Variants in RAB19 observed in about 807,000 individuals in gnomAD.
RAB19 encodes ras-related protein Rab-19.
In RAB19, 21 loss-of-function variants were observed where a neutral mutation model predicts 17.3. The observed-to-expected ratio is 1.21, with a 90% CI of 0.86 to 1.74. RAB19 has a LOEUF of 1.74. Ranked by LOEUF, RAB19 falls within the 40% of genes most tolerant of loss-of-function variation. RAB19 has a pLI of 0.00. For missense variants in RAB19, 277 were observed against 286.8 expected, an observed-to-expected ratio of 0.97 and a Z score of 0.25; for synonymous variants, 126 against 110.4, an observed-to-expected ratio of 1.14 and a Z score of -0.88.
In RAB19 at chr7:140,411,966, C is replaced by G; in HGVS notation, c.294C>G (p.Asp98Glu). Residue 98 changes from aspartate to glutamate, a missense_variant, in exon 3 of 4, where the codon GAC becomes GAG. Asp to Glu is a conservative substitution (Grantham distance 45, BLOSUM62 2). Coordinates refer to ENST00000537763, the MANE Select transcript of RAB19 (RefSeq NM_001008749.3). ...RSAHAAIIAYDLTRRSTFESI... is the reference protein window; with the variant it reads ...RSAHAAIIAYELTRRSTFESI... ...CCCACGCAGCCATCATCGCCTATGA[C>G]CTCACCCGGCGGTCCACGTTCGAGT... 6.2e-7 allele frequency: 1 copy of G among 1,614,190 alleles called. No individual in the cohort carries two copies.
At chr7:140,410,950 C>T in intron 2 of RAB19, 1 of 1,367,796 alleles carries the variant, frequency 7.3e-7, no homozygotes, top group Non-Finnish European at 9.8e-7. Flanking sequence ...ACATGAACAG[C>T]TTGAGTGTTC....
At chr7:140,418,858 C>CA (rs10649285) in intron 3 of RAB19, among the ~76,000 whole-genome samples, 59,582 of 135,242 alleles carry the variant, frequency 0.44, 12,966 homozygotes, top group Admixed American at 0.56. Context: ...AACCCTGTCT[C>CA]AAAAAAAAAA....
chr7:140,415,451 C>G (rs1345040119), intron 3 of RAB19, among the ~76,000 whole-genome samples: 1 of 152,224 alleles, frequency 6.6e-6, no homozygotes, highest in Non-Finnish European at 1.5e-5. Context: ...AAACTTTCCA[C>G]TTAAAGTCCT....
chr7:140,416,036 C>A (rs965791068), intron 3 of RAB19, among the ~76,000 whole-genome samples: 1 of 151,122 alleles, frequency 6.6e-6, no homozygotes, highest in Non-Finnish European at 1.5e-5. Context: ...AAGACCCCAT[C>A]TTTATTTTTA....
chr7:140,426,231 A>C lies in RAB19; in HGVS notation c.*81A>C. On this transcript the variant is annotated 3_prime_UTR_variant, in exon 4 of 4. Transcript: ENST00000537763. ...AGCCAGGATACCGTAGTGTTGCCCC[A>C]GTGGCGCTTTAGACCCCAGCGTGGA... is the stretch of plus-strand genomic sequence containing the variant. 1 of 1,522,060 alleles carries C rather than the reference A, an allele frequency of 6.6e-7. No homozygotes were observed. Among genetic ancestry groups the C allele is most frequent in the South Asian group, 1.3e-5 (1 of 77,930 alleles). The allele number at this position is 1,522,060 out of a possible 1,614,324, so 94.3% of individuals were successfully genotyped here.
intron 1 of RAB19, among the ~76,000 whole-genome samples, chr7:140,404,993 A>G (rs920702335): frequency 6.6e-6 from 1 of 152,134 alleles, no homozygotes; most frequent in Non-Finnish European, 1.5e-5. Context: ...CAAAATGGAA[A>G]TTTTTCAGGA....
chr7:140,421,752 G>C (rs115288885), intron 3 of RAB19, among the ~76,000 whole-genome samples: 1,526 of 152,056 alleles, frequency 0.01, 23 homozygotes, highest in African/African-American at 0.035. Flanking sequence ...CTCTTGCCTC[G>C]GCTTCCCAAA....
intron 3 of RAB19, among the ~76,000 whole-genome samples, chr7:140,417,393 C>A (rs1799479668): frequency 7.4e-6 from 1 of 135,182 alleles, no homozygotes; most frequent in African/African-American, 2.9e-5. Flanking sequence ...CAGATGGAGA[C>A]CCTATCTCTT....
At chr7:140,418,209 A>G (rs993551398) in intron 3 of RAB19, among the ~76,000 whole-genome samples, 8 of 152,078 alleles carry the variant, frequency 5.3e-5, no homozygotes, top group African/African-American at 1.9e-4. Context: ...AAAAGTACAC[A>G]TTAATTTATC....
chr7:140,416,513 A>G (rs1799460434), intron 3 of RAB19, among the ~76,000 whole-genome samples: 1 of 152,170 alleles, frequency 6.6e-6, no homozygotes, highest in African/African-American at 2.4e-5. Context: ...CACCGGGTCC[A>G]TAGCATATGT....
chr7:140,421,298 C>T (rs984796302), intron 3 of RAB19, among the ~76,000 whole-genome samples: 1 of 152,094 alleles, frequency 6.6e-6, no homozygotes, highest in African/African-American at 2.4e-5. Flanking sequence ...CTGAAGCAAT[C>T]CTCCTGCCTC....
chr7:140,406,174 C>T (rs908376435), intron 1 of RAB19, among the ~76,000 whole-genome samples: 9 of 130,150 alleles, frequency 6.9e-5, no homozygotes, highest in Admixed American at 2.7e-4. Flanking sequence ...ACCCAGGAGG[C>T]GGAGGTTGCA....
chr7:140,411,763 A>C, intron 2 of RAB19, 111 bp from the exon 3 acceptor site: 1 of 1,592,894 alleles, frequency 6.3e-7, no homozygotes, highest in South Asian at 1.1e-5. Context: ...CTGGGTCTGA[A>C]TATCTAGAAG....
In RAB19 at chr7:140,426,184, G is replaced by A; in HGVS notation, c.*34G>A. On this transcript the variant is annotated 3_prime_UTR_variant, in exon 4 of 4. Coordinates refer to ENST00000537763, the MANE Select transcript of RAB19 (RefSeq NM_001008749.3). ...CAAAGCCAGTTGCACCCACCAAAGA[G>A]GCCGCCTCTGAAACCAAAGGTAGCC... 6.3e-7 allele frequency: 1 copy of A among 1,593,362 alleles called. No individual in the cohort carries two copies. Among genetic ancestry groups the A allele is most frequent in the East Asian group, 2.2e-5 (1 of 44,630 alleles).
rs35424074 is a variant in RAB19, at chr7:140,405,788, C to CA, written c.-24+1590dup. 3.3e-3 allele frequency among the ~76,000 whole-genome samples: 363 copies of CA among 108,656 alleles called. 1 individual carries two copies. The highest frequency in any genetic ancestry group is 4.5e-3 in the Non-Finnish European group (228 of 50,564). 71.3% of individuals were successfully genotyped at this position (108,656 alleles called of 152,430 possible). ...TCGGTGACAGAGCGAGACTCTGTCT[C>CA]AAAAAAAAAAAAAAAAAAAGAATAC... is the stretch of plus-strand genomic sequence containing the variant. On this transcript the variant is annotated intron_variant, in intron 1 of 3. Coordinates refer to ENST00000537763, the MANE Select transcript of RAB19 (RefSeq NM_001008749.3).
chr7:140,424,555 G>GA (rs1799618386), intron 3 of RAB19, among the ~76,000 whole-genome samples: 1 of 150,398 alleles, frequency 6.6e-6, no homozygotes, highest in South Asian at 2.1e-4. Context: ...ACCATTGGGG[G>GA]AAACAGGGTG....
At chr7:140,410,970 C>T in intron 2 of RAB19, 1 of 1,367,812 alleles carries the variant, frequency 7.3e-7, no homozygotes, top group Non-Finnish European at 9.8e-7. Context: ...CCTTTAAAAT[C>T]AGAACAGTTC....
chr7:140,419,907 G>C (rs937549677), intron 3 of RAB19, among the ~76,000 whole-genome samples: 1 of 152,102 alleles, frequency 6.6e-6, no homozygotes, highest in Non-Finnish European at 1.5e-5. Context: ...ACCTTTTCAG[G>C]TGTTTGTTAG....
chr7:140,410,621 C>T (rs892959547), intron 2 of RAB19, among the ~76,000 whole-genome samples: 1 of 152,092 alleles, frequency 6.6e-6, no homozygotes, highest in East Asian at 1.9e-4. Flanking sequence ...CCACCGCGCC[C>T]GGCCTTTTTG....
Sources: allele counts gnomAD v4.1 joint callset (sites outside exome capture counted in the v4.1 genomes callset), GRCh38; gene constraint gnomAD v4.1.1; transcripts MANE v1.5; gene names NCBI Gene and HGNC (gene_info 2026-07-23, HGNC 2026-07-21).